MTA3: variants seen among roughly 807,000 people sequenced by gnomAD.
MTA3 encodes metastasis associated 1 family member 3, also known as metastasis-associated protein MTA3.
MTA3 carries 34 observed loss-of-function variants against 83.5 expected under a neutral mutation model. The observed-to-expected ratio is 0.41, with a 90% CI of 0.31 to 0.54. The LOEUF (loss-of-function observed/expected upper bound fraction) is 0.54. MTA3 is among the 20% of genes least tolerant of loss of function. MTA3 has a pLI of 0.33. For missense variants in MTA3, 761 were observed against 726.4 expected (o/e 1.05, Z -0.55); for synonymous variants, 303 against 252.7 (o/e 1.20, Z -1.89).
At chr2:42,606,339 C>G (rs1202411177) in intron 3 of MTA3, among the ~76,000 whole-genome samples, 3 of 144,828 alleles carry the variant, frequency 2.1e-5, no homozygotes, top group Non-Finnish European at 3.0e-5. Flanking sequence ...CCTCACCTCT[C>G]AGACGGGGCA....
chr2:42,610,259 C>T lies in MTA3; in HGVS notation c.317+675C>T, dbSNP rs563154661. ...AGAAAATTATATAGCCATTAGAAGC[C>T]AAAGGTTAGAACCTAAAATCTGCTT... On this transcript the variant is annotated intron_variant, in intron 4 of 16. Coordinates refer to ENST00000405094, the MANE Select transcript of MTA3 (RefSeq NM_001330442.2). Among the ~76,000 whole-genome samples, 16 of 152,272 alleles carry T rather than the reference C, an allele frequency of 1.1e-4. No individual in the cohort carries two copies. The South Asian group carries it at 2.5e-3, about 24-fold the overall frequency.
intron 2 of MTA3, among the ~76,000 whole-genome samples, chr2:42,511,415 G>A (rs1418884153): frequency 1.3e-5 from 2 of 151,726 alleles, no homozygotes; most frequent in African/African-American, 4.8e-5. Flanking sequence ...GTTCTCACAG[G>A]TTGCAAAAAA....
intron 3 of MTA3, among the ~76,000 whole-genome samples, chr2:42,602,569 T>G (rs1037327522): frequency 2.0e-5 from 3 of 152,196 alleles, no homozygotes; most frequent in African/African-American, 7.2e-5. Context: ...TTCAGTCTTT[T>G]AAATTTTTAG....
intron 2 of MTA3, among the ~76,000 whole-genome samples, chr2:42,528,221 G>A (rs533571856): frequency 5.3e-5 from 7 of 131,144 alleles, no homozygotes; most frequent in South Asian, 5.1e-4. Context: ...CACCGTGCCC[G>A]GCCCCCTTTT....
At chr2:42,685,293 T>C (rs926627535) in intron 9 of MTA3, among the ~76,000 whole-genome samples, 7 of 152,210 alleles carry the variant, frequency 4.6e-5, no homozygotes, top group African/African-American at 1.7e-4. Context: ...TATTAGTTTT[T>C]CTTTTGTTTT....
intron 2 of MTA3, among the ~76,000 whole-genome samples, chr2:42,549,870 A>G (rs549197331): frequency 6.6e-6 from 1 of 150,990 alleles, no homozygotes; most frequent in Non-Finnish European, 1.5e-5. Flanking sequence ...ACTCCGTCCC[A>G]CCTGGCACAT....
chr2:42,734,839 C>T (rs570926492), intron 16 of MTA3, among the ~76,000 whole-genome samples: 1 of 152,086 alleles, frequency 6.6e-6, no homozygotes, highest in Non-Finnish European at 1.5e-5. Flanking sequence ...AAAGAGAAAA[C>T]TAGTGGAAAC....
At chr2:42,735,947 T>G (rs1668580716) in intron 16 of MTA3, among the ~76,000 whole-genome samples, 1 of 152,204 alleles carries the variant, frequency 6.6e-6, no homozygotes, top group Admixed American at 6.5e-5. Flanking sequence ...GGTGTCTTAT[T>G]TAGCTTGTTT....
At chr2:42,610,780 C>T (rs1684093698) in intron 4 of MTA3, among the ~76,000 whole-genome samples, 1 of 151,960 alleles carries the variant, frequency 6.6e-6, no homozygotes, top group African/African-American at 2.4e-5. Context: ...CACAGGTGAG[C>T]ATAGGGTGTA....
intron 9 of MTA3, among the ~76,000 whole-genome samples, chr2:42,694,338 G>T (rs1693184011): frequency 6.6e-6 from 1 of 152,086 alleles, no homozygotes; most frequent in Non-Finnish European, 1.5e-5. Flanking sequence ...TTTAGGAGTT[G>T]AAGTCCTTGT....
At position 42,753,433 on chromosome 2, in the gene MTA3, G is replaced by C. The variant is rs1449430157; in HGVS notation, c.*34G>C. ...TGATTCATTCTACAATCCAAGACTTGCTGCACTGTCCTGCTGATGTTCACA... is the reference window on the plus strand; with the variant it reads ...TGATTCATTCTACAATCCAAGACTTCCTGCACTGTCCTGCTGATGTTCACA... On this transcript the variant is annotated 3_prime_UTR_variant, in exon 17 of 17. Transcript: ENST00000405094. 1 of 1,550,456 alleles carries C rather than the reference G, an allele frequency of 6.4e-7. No individual in the cohort carries two copies. The highest frequency in any genetic ancestry group is 1.2e-5 in the South Asian group (1 of 84,062).
chr2:42,643,035 C>CT (rs1491243124), intron 5 of MTA3, among the ~76,000 whole-genome samples: 29 of 4,422 alleles, frequency 6.6e-3, no homozygotes, highest in African/African-American at 0.05. Context: ...ATTGGTGTCT[C>CT]CCCCCCCCCC....
intron 9 of MTA3, among the ~76,000 whole-genome samples, chr2:42,691,880 T>C (rs1692933156): frequency 6.6e-6 from 1 of 152,230 alleles, no homozygotes; most frequent in Non-Finnish European, 1.5e-5. Flanking sequence ...AGAAGTCTGC[T>C]GCCAAACGTA....
At chr2:42,508,348 C>G (rs1359618357) in intron 2 of MTA3, among the ~76,000 whole-genome samples, 1 of 151,758 alleles carries the variant, frequency 6.6e-6, no homozygotes, top group Non-Finnish European at 1.5e-5. Flanking sequence ...TTTTCTTTTT[C>G]TTTGAGACAG....
chr2:42,639,751 A>T (rs1466027708), intron 4 of MTA3, among the ~76,000 whole-genome samples: 1 of 152,124 alleles, frequency 6.6e-6, no homozygotes, highest in Non-Finnish European at 1.5e-5. Context: ...AAAAATCTGA[A>T]TATTATTTAG....
chr2:42,745,824 C>CTTTTTTTTT (rs146921280), intron 16 of MTA3, among the ~76,000 whole-genome samples: 7 of 119,364 alleles, frequency 5.9e-5, no homozygotes, highest in East Asian at 2.9e-4. Context: ...AAATAGTCCT[C>CTTTTTTTTT]TTTTTTTTGA....
intron 2 of MTA3, among the ~76,000 whole-genome samples, chr2:42,538,766 T>G (rs1676379967): frequency 1.1e-5 from 1 of 94,128 alleles, no homozygotes; most frequent in African/African-American, 4.2e-5. Flanking sequence ...ATGTTTTTTT[T>G]GTTTTTTTTT....
chr2:42,675,376 C>T (rs543958491), intron 8 of MTA3, among the ~76,000 whole-genome samples: 4 of 152,226 alleles, frequency 2.6e-5, no homozygotes, highest in African/African-American at 4.8e-5. Context: ...CCTCGTGGTC[C>T]GCCTGCGTTG....
chr2:42,720,182 T>TA (rs1667303145), intron 15 of MTA3, among the ~76,000 whole-genome samples: 1 of 147,800 alleles, frequency 6.8e-6, no homozygotes, highest in African/African-American at 2.7e-5. Context: ...TTTATTTATT[T>TA]TATTTATTTA....
Sources: gnomAD v4.1 joint callset for allele counts (sites outside exome capture counted in the v4.1 genomes callset) on GRCh38, gnomAD v4.1.1 for gene constraint, MANE v1.5 for transcripts, NCBI Gene and HGNC (gene_info 2026-07-23, HGNC 2026-07-21) for gene names.